The following ROBO2 variants were observed in gnomAD, a reference collection of about 807,000 sequenced individuals.
The protein encoded by ROBO2 is roundabout homolog 2.
Under a neutral mutation model 160.8 loss-of-function variants are expected in ROBO2, and 53 were observed. The observed-to-expected ratio is 0.33, with a 90% CI of 0.26 to 0.41. The LOEUF is 0.41. ROBO2 is among the 10% of genes least tolerant of loss of function. ROBO2 has a pLI of 1.00. For synonymous variants in ROBO2, 664 were observed against 611.7 expected, an observed-to-expected ratio of 1.09 and a Z score of -1.26; for missense variants, 1,577 against 1,722.4, an observed-to-expected ratio of 0.92 and a Z score of 1.49.
chr3:76,546,119 C>A (rs1248779626), intron 2 of ROBO2, among the ~76,000 whole-genome samples: 2 of 151,854 alleles, frequency 1.3e-5, no homozygotes, highest in African/African-American at 4.8e-5. Flanking sequence ...ATTCCAAATT[C>A]TCAAGTAGAC....
At chr3:76,953,843 T>A (rs1401441480) in intron 2 of ROBO2, among the ~76,000 whole-genome samples, 1 of 151,882 alleles carries the variant, frequency 6.6e-6, no homozygotes, top group Non-Finnish European at 1.5e-5. Flanking sequence ...TGTGTGTGTG[T>A]GCCCACACAG....
intron 2 of ROBO2, among the ~76,000 whole-genome samples, chr3:77,005,050 A>ACAGAG (rs767928425): frequency 1.1e-4 from 12 of 107,338 alleles, no homozygotes; most frequent in African/African-American, 3.4e-4. Flanking sequence ...CTAAAACAAA[A>ACAGAG]CAGAACAGAA....
chr3:77,586,030 C>A (rs576216032), intron 16 of ROBO2, among the ~76,000 whole-genome samples: 48 of 152,164 alleles, frequency 3.2e-4, no homozygotes, highest in African/African-American at 9.9e-4. Context: ...CTCAGTTTAG[C>A]CTTCCTTCCA....
At chr3:76,921,837 T>C (rs2076681720) in intron 2 of ROBO2, among the ~76,000 whole-genome samples, 1 of 152,216 alleles carries the variant, frequency 6.6e-6, no homozygotes, top group Non-Finnish European at 1.5e-5. Flanking sequence ...TTTAGACTCA[T>C]ATCTCACTTT....
intron 2 of ROBO2, among the ~76,000 whole-genome samples, chr3:76,672,897 TG>T (rs1407511931): frequency 4.6e-5 from 7 of 152,350 alleles, no homozygotes; most frequent in Admixed American, 2.6e-4. Flanking sequence ...GCTTTTCTAA[TG>T]TGTTATATTT....
chr3:76,167,491 T>G (rs1463696400), intron 2 of ROBO2, among the ~76,000 whole-genome samples: 1 of 152,218 alleles, frequency 6.6e-6, no homozygotes, highest in African/African-American at 2.4e-5. Flanking sequence ...TGTTATCTTG[T>G]GCATCCTTCT....
chr3:77,386,964 T>G (rs1362242914), intron 2 of ROBO2, among the ~76,000 whole-genome samples: 2 of 152,004 alleles, frequency 1.3e-5, no homozygotes, highest in African/African-American at 4.8e-5. Context: ...GGTCAGAGTT[T>G]GAAGTATTTC....
At chr3:76,641,446 G>C (rs193062579) in intron 2 of ROBO2, among the ~76,000 whole-genome samples, 1 of 152,254 alleles carries the variant, frequency 6.6e-6, no homozygotes, top group Admixed American at 6.5e-5. Flanking sequence ...CCCAGATTAA[G>C]AGTTCATCCT....
At chr3:77,206,482 A>T (rs2083460305) in intron 2 of ROBO2, among the ~76,000 whole-genome samples, 1 of 151,632 alleles carries the variant, frequency 6.6e-6, no homozygotes, top group South Asian at 2.1e-4. Context: ...TTACTATAAG[A>T]CTCCAGTCTT....
chr3:77,572,639 A>ACACG (rs1553676150), intron 13 of ROBO2, among the ~76,000 whole-genome samples: 1 of 110,414 alleles, frequency 9.1e-6, no homozygotes, highest in African/African-American at 3.7e-5. Context: ...ACATAGAAAC[A>ACACG]CACACACACA....
intron 2 of ROBO2, among the ~76,000 whole-genome samples, chr3:76,300,763 A>T (rs1709315654): frequency 6.6e-6 from 1 of 152,078 alleles, no homozygotes. Context: ...TCTTCCTGGA[A>T]GTTTCAGAGG....
chr3:76,328,782 C>G (rs2073232778), intron 2 of ROBO2, among the ~76,000 whole-genome samples: 1 of 151,846 alleles, frequency 6.6e-6, no homozygotes, highest in African/African-American at 2.4e-5. Flanking sequence ...TGGCGTGAAC[C>G]CGGGAGGCGG....
intron 2 of ROBO2, among the ~76,000 whole-genome samples, chr3:76,044,136 C>G (rs915018865): frequency 3.9e-5 from 6 of 152,154 alleles, no homozygotes; most frequent in Middle Eastern, 6.8e-3. Context: ...CATTAAACTC[C>G]TCTGTAACCT....
rs1207611051 is a variant in ROBO2, at chr3:77,568,448, G to T, written c.1971+14G>T. ...GTCACATGGACGGTAAGCTTTCAAA[G>T]GCAATGTTAATAGTAATCTCTTCTC... is the stretch of plus-strand genomic sequence containing the variant. On this transcript the variant is annotated intron_variant, in intron 13 of 25. Transcript: ENST00000461745. The T allele has an allele frequency of 6.2e-7, 1 of 1,612,468 alleles. No individual in the cohort carries two copies. The highest frequency in any genetic ancestry group is 2.2e-5 in the East Asian group (1 of 44,806).
chr3:77,474,680 A>ACG (rs908395852), intron 2 of ROBO2, among the ~76,000 whole-genome samples: 1 of 142,978 alleles, frequency 7.0e-6, no homozygotes, highest in African/African-American at 2.5e-5. Context: ...ACACACACAC[A>ACG]CACACACACA....
At chr3:77,239,352 G>T (rs971063553) in intron 2 of ROBO2, among the ~76,000 whole-genome samples, 1 of 152,078 alleles carries the variant, frequency 6.6e-6, no homozygotes, top group African/African-American at 2.4e-5. Flanking sequence ...CATTCCTCCC[G>T]GTGGGCTTGT....
chr3:77,314,411 G>A (rs1423081592), intron 2 of ROBO2, among the ~76,000 whole-genome samples: 8 of 152,148 alleles, frequency 5.3e-5, no homozygotes, highest in African/African-American at 1.9e-4. Flanking sequence ...TATCTTTTAT[G>A]TGTTATTGAT....
At chr3:76,337,636 A>G (rs2073976289) in intron 2 of ROBO2, among the ~76,000 whole-genome samples, 1 of 152,292 alleles carries the variant, frequency 6.6e-6, no homozygotes, top group Non-Finnish European at 1.5e-5. Context: ...GGAGTCAGGG[A>G]ACAAAATGAA....
intron 2 of ROBO2, among the ~76,000 whole-genome samples, chr3:76,385,351 T>A (rs965979227): frequency 6.6e-6 from 1 of 152,160 alleles, no homozygotes; most frequent in Non-Finnish European, 1.5e-5. Context: ...ATATTTTATA[T>A]AAAAATAGTT....
Sources: gnomAD v4.1 joint callset for allele counts (sites outside exome capture counted in the v4.1 genomes callset) on GRCh38, gnomAD v4.1.1 for gene constraint, MANE v1.5 for transcripts, NCBI Gene and HGNC (gene_info 2026-07-23, HGNC 2026-07-21) for gene names.